The following LIFR variants were observed in gnomAD, a reference collection of about 807,000 sequenced individuals.
LIFR encodes the protein leukemia inhibitory factor receptor.
A neutral mutation model predicts 122.2 loss-of-function variants in LIFR; 84 were observed. That is an observed-to-expected ratio of 0.69 (90% CI 0.58 to 0.82). LIFR has a LOEUF of 0.82. Ranked by LOEUF, LIFR falls within the 40% of genes least tolerant of loss-of-function variation. LIFR has a pLI of 0.00. For synonymous variants in LIFR, 422 were observed against 434.7 expected (o/e 0.97, Z 0.36); for missense variants, 1,294 against 1,311.6 (o/e 0.99, Z 0.21).
chr5:38,591,396 C>T (rs1449589849), intron 1 of LIFR, among the ~76,000 whole-genome samples: 4 of 152,208 alleles, frequency 2.6e-5, no homozygotes, highest in Non-Finnish European at 5.9e-5. Flanking sequence ...TCCCACTGCT[C>T]ATATAACAGA....
intron 16 of LIFR, among the ~76,000 whole-genome samples, chr5:38,487,743 G>C (rs1313418020): frequency 6.6e-6 from 1 of 152,150 alleles, no homozygotes; most frequent in Non-Finnish European, 1.5e-5. Context: ...CATGGTAAGT[G>C]AAACAGCGGA....
Position 38,528,775 on chromosome 5 carries a change from G to T in LIFR, c.208C>A (p.Pro70Thr). The T allele has an allele frequency of 6.3e-7, 1 of 1,598,846 alleles. No individual in the cohort carries two copies. The highest frequency in any genetic ancestry group is 2.3e-5 in the East Asian group (1 of 44,422). Reference sequence around the variant, plus strand: ...TCAGTACCACGGCCTGTTCCAGAGGGTGCTTTCCAAGAACAGTTCCACACT... The same window carrying T: ...TCAGTACCACGGCCTGTTCCAGAGGTTGCTTTCCAAGAACAGTTCCACACT... ...LQVWNCSWKA[P>T]SGTGRGTDYE... The change falls in exon 3 of 20, where the codon CCC becomes ACC. Residue 70 changes from proline to threonine, a missense_variant. By Grantham distance (38) the Pro-to-Thr change is conservative. Coordinates refer to ENST00000453190, the MANE Select transcript of LIFR (RefSeq NM_001127671.2).
chr5:38,485,640 C>G, intron 17 of LIFR, 179 bp downstream of exon 17: 1 of 644,822 alleles, frequency 1.6e-6, no homozygotes, highest in Non-Finnish European at 2.7e-6. Flanking sequence ...AAATAACTGA[C>G]AAGAATAAAC....
rs566612340 is a variant in LIFR at position 38,475,031 on chromosome 5, G to A, written c.*6564C>T. The stretch of plus-strand genomic sequence containing the variant: ...TGATAAAATTGTTAAATACATGCAT[G>A]TTTTAAAAACAGACATAAGTAACAT... On this transcript the variant is annotated 3_prime_UTR_variant, in exon 20 of 20. Transcript: ENST00000453190. 24 of 173,958 alleles carry A rather than the reference G, an allele frequency of 1.4e-4. No individual in the cohort carries two copies. The South Asian group carries it at 3.2e-3, about 23-fold the overall frequency. 10.8% of individuals were successfully genotyped at this position (173,958 alleles called of 1,614,324 possible). A position where few individuals can be genotyped will look rare whatever the true frequency, so the allele number is the denominator to read the frequency against.
At chr5:38,581,503 G>A (rs763048481) in intron 1 of LIFR, among the ~76,000 whole-genome samples, 19 of 152,160 alleles carry the variant, frequency 1.2e-4, no homozygotes, top group Admixed American at 2.0e-4. Flanking sequence ...GTACGCTGCT[G>A]TAACCAGCAT....
chr5:38,571,569 C>T (rs970152581), intron 1 of LIFR, among the ~76,000 whole-genome samples: 4 of 150,538 alleles, frequency 2.7e-5, no homozygotes, highest in Non-Finnish European at 5.9e-5. Context: ...CCTCCTTCTC[C>T]TCCTCTCCTT....
rs756414449 is a variant in LIFR, at chr5:38,482,094, C to T, written c.2795G>A (p.Arg932His). 47 of 1,593,920 alleles carry T rather than the reference C, an allele frequency of 2.9e-5. No homozygotes were observed. Among genetic ancestry groups the T allele is most frequent in the East Asian group, 1.6e-4 (7 of 44,758 alleles). Residue 932 changes from arginine (R) to histidine (H), a missense_variant, in exon 20 of 20, where the codon CGT (arginine) becomes CAT (histidine). Physicochemically the swap from Arg to His is conservative, Grantham distance 29. Coordinates refer to ENST00000453190, the MANE Select transcript of LIFR (RefSeq NM_001127671.2). Reference protein sequence around the residue: ...DTEIISPVAERPEDRSDAEPE... With the variant: ...DTEIISPVAEHPEDRSDAEPE... ...CTCTGCATCAGAGCGATCTTCAGGA[C>T]GCTCAGCTACTGGGGAAATTATTTC...
rs1749103979 is a variant in LIFR at position 38,568,552 on chromosome 5, C to G, written c.-20+26709G>C. ...GGCAAGATTTGGAGCATGAATCCCT[C>G]TGCCACATGTGTGAGGAGTAGATTA... On this transcript the variant is annotated intron_variant, in intron 1 of 19. Transcript: ENST00000263409. 3.9e-5 allele frequency among the ~76,000 whole-genome samples: 6 copies of G among 152,230 alleles called. No homozygotes were observed. The South Asian group carries it at 1.2e-3, about 32-fold the overall frequency.
chr5:38,482,993 T>C (rs12054659), intron 18 of LIFR, among the ~76,000 whole-genome samples: 48,925 of 152,126 alleles, frequency 0.32, 8,264 homozygotes, highest in East Asian at 0.43. Context: ...TGTGATCCCA[T>C]GGCACTGCTT....
chr5:38,490,373 C>T (rs1185497610), intron 14 of LIFR, 82 bp from the exon 15 acceptor site: 1 of 585,534 alleles, frequency 1.7e-6, no homozygotes, highest in African/African-American at 2.0e-5. Context: ...TCATAACATA[C>T]TCTAAAATTT....
Position 38,527,134 on chromosome 5 carries a change from AGTTT to A in LIFR, c.397+17_397+20del, listed in dbSNP as rs139143276. On this transcript the variant is annotated intron_variant, in intron 4 of 19. Transcript: ENST00000453190. The stretch of plus-strand genomic sequence containing the variant: ...TGACACTTGACTTACTTTAAAATTG[AGTTT>A]GTTTTCAAATACTTACAAACGTTTT... The A allele has an allele frequency of 3.7e-3, 5,751 of 1,573,940 alleles. 19 individuals are homozygous for A. The highest frequency in any genetic ancestry group is 4.5e-3 in the Non-Finnish European group (5,170 of 1,151,554).
intron 2 of LIFR, among the ~76,000 whole-genome samples, chr5:38,603,131 G>A (rs1180356926): frequency 1.3e-5 from 2 of 152,180 alleles, no homozygotes; most frequent in African/African-American, 2.4e-5. Context: ...CAGGGTCAAG[G>A]TTAAACACTG....
intron 1 of LIFR, among the ~76,000 whole-genome samples, chr5:38,580,225 G>A (rs1476419992): frequency 6.6e-6 from 1 of 152,060 alleles, no homozygotes; most frequent in Non-Finnish European, 1.5e-5. Context: ...TACTCATAAG[G>A]TGCAATGTGA....
At chr5:38,587,358 C>T (rs1444888) in intron 1 of LIFR, among the ~76,000 whole-genome samples, 51,941 of 151,820 alleles carry the variant, frequency 0.34, 8,960 homozygotes, top group South Asian at 0.41. Flanking sequence ...AAAGTTATTC[C>T]GGCAAACAGG....
chr5:38,521,818 G>A (rs1746415907), intron 5 of LIFR, among the ~76,000 whole-genome samples: 1 of 152,130 alleles, frequency 6.6e-6, no homozygotes, highest in Admixed American at 6.5e-5. Flanking sequence ...CAGCTGTGGT[G>A]GTAGCAGCAG....
chr5:38,502,070 T>A (rs778622205), intron 11 of LIFR, among the ~76,000 whole-genome samples: 16 of 152,098 alleles, frequency 1.1e-4, no homozygotes, highest in Middle Eastern at 3.4e-3. Flanking sequence ...ATTCTATGCA[T>A]TATCGTAATA....
upstream of LIFR, among the ~76,000 whole-genome samples, chr5:38,560,602 GT>G (rs539078770): frequency 0.011 from 1,547 of 139,320 alleles, 26 homozygotes; most frequent in African/African-American, 0.036. Context: ...TTTGTTTTTT[GT>G]TTTTTTTTTT....
At chr5:38,592,404 T>A (rs1385182181) in intron 1 of LIFR, among the ~76,000 whole-genome samples, 6 of 152,278 alleles carry the variant, frequency 3.9e-5, no homozygotes, top group Non-Finnish European at 4.4e-5. Flanking sequence ...ACGCCTGTAA[T>A]CCTAGCACTT....
At chr5:38,544,304 T>C (rs1242430524) in intron 1 of LIFR, among the ~76,000 whole-genome samples, 1 of 152,068 alleles carries the variant, frequency 6.6e-6, no homozygotes, top group African/African-American at 2.4e-5. Context: ...TGGATTCTCC[T>C]TATAAGCACA....
Sources: allele counts gnomAD v4.1 joint callset (sites outside exome capture counted in the v4.1 genomes callset), GRCh38; gene constraint gnomAD v4.1.1; transcripts MANE v1.5; gene names NCBI Gene and HGNC (gene_info 2026-07-23, HGNC 2026-07-21).